ALG12: variants seen among roughly 807,000 people sequenced by gnomAD.
ALG12 encodes dol-P-Man:Man(7)GlcNAc(2)-PP-Dol alpha-1,6-mannosyltransferase.
A neutral mutation model predicts 46.0 loss-of-function variants in ALG12; 36 were observed. The ratio of observed to expected loss-of-function variants is 0.78; its 90% confidence interval spans 0.60 to 1.03. The LOEUF (loss-of-function observed/expected upper bound fraction) is 1.03. ALG12 is among the 50% of genes least tolerant of loss of function. The pLI, the probability that ALG12 is intolerant of heterozygous loss-of-function variation, is 0.00. For synonymous variants in ALG12, 326 were observed against 291.6 expected (o/e 1.12, Z -1.20); for missense variants, 599 against 633.5 (o/e 0.95, Z 0.58).
At chr22:49,874,743 G>A in the ALG12 span, among the ~76,000 whole-genome samples, 9 of 121,230 alleles carry the variant, frequency 7.4e-5, no homozygotes, top group African/African-American at 1.9e-4. Context: ...GCAATGGCTC[G>A]ATCTCAGCTC....
At chr22:49,893,278 G>T in the ALG12 span, among the ~76,000 whole-genome samples, 1 of 152,204 alleles carries the variant, frequency 6.6e-6, no homozygotes, top group South Asian at 2.1e-4. Context: ...GGACTTTCCA[G>T]AACTGTTGGG....
In ALG12 at chr22:49,901,320, C is replaced by T. The variant is rs533201789; in HGVS notation, c.*2518G>A. 1 of 152,376 alleles carries T rather than the reference C, an allele frequency of 6.6e-6. No individual in the cohort carries two copies. Among genetic ancestry groups the T allele is most frequent in the East Asian group, 1.9e-4 (1 of 5,190 alleles). The allele number at this position is 152,376 out of a possible 1,614,324, so 9.4% of individuals were successfully genotyped here. On this transcript the variant is annotated 3_prime_UTR_variant, in exon 10 of 10. Transcript: ENST00000330817. ...GGCCTCTGTGGGAGTCAGGAAGTGT[C>T]TGCACAGATGTTCGCCAGACGCAAT... is the stretch of plus-strand genomic sequence containing the variant.
the ALG12 span, among the ~76,000 whole-genome samples, chr22:49,864,214 G>A: frequency 3.3e-5 from 5 of 152,294 alleles, no homozygotes; most frequent in South Asian, 8.3e-4. Context: ...TTACGTCTCC[G>A]TCCTCTTTTT....
the ALG12 span, among the ~76,000 whole-genome samples, chr22:49,878,752 G>C: frequency 0.016 from 2,367 of 152,116 alleles, 62 homozygotes; most frequent in African/African-American, 0.053. Flanking sequence ...ACTAGTAAAA[G>C]AATTAGAAGA....
chr22:49,885,481 T>C, the ALG12 span: 1 of 1,612,384 alleles, frequency 6.2e-7, no homozygotes, highest in South Asian at 1.1e-5. Flanking sequence ...TTTACAGCGG[T>C]TCCATAGCAA....
the ALG12 span, chr22:49,889,311 G>A: frequency 1.2e-5 from 2 of 167,040 alleles, no homozygotes; most frequent in African/African-American, 4.8e-5. Context: ...ATGGTGTCTT[G>A]GCTACTTTCA....
the ALG12 span, among the ~76,000 whole-genome samples, chr22:49,867,922 G>A: frequency 1.3e-5 from 2 of 152,202 alleles, no homozygotes; most frequent in African/African-American, 4.8e-5. Context: ...CTGACACAAA[G>A]CCTGTTTTGT....
chr22:49,865,503 A>T, the ALG12 span, among the ~76,000 whole-genome samples: 4 of 151,852 alleles, frequency 2.6e-5, no homozygotes, highest in Non-Finnish European at 5.9e-5. Context: ...CAAAAAAAAA[A>T]AAATAATAAC....
chr22:49,870,644 T>C, the ALG12 span, among the ~76,000 whole-genome samples: 2 of 152,196 alleles, frequency 1.3e-5, no homozygotes, highest in African/African-American at 4.8e-5. Flanking sequence ...TATCTGTTCA[T>C]GTCCTTTGCT....
the ALG12 span, among the ~76,000 whole-genome samples, chr22:49,890,678 T>G: frequency 6.6e-6 from 1 of 152,126 alleles, no homozygotes; most frequent in African/African-American, 2.4e-5. Flanking sequence ...CTGGGTGTGT[T>G]TTTGCTAAAG....
chr22:49,874,944 A>T, the ALG12 span, among the ~76,000 whole-genome samples: 12 of 151,982 alleles, frequency 7.9e-5, no homozygotes, highest in Non-Finnish European at 1.6e-4. Context: ...TGGCCTCCCA[A>T]AGTGTTGGGA....
Position 49,907,850 on chromosome 22 carries a change from G to T in ALG12, c.863C>A (p.Thr288Lys). The change falls in exon 7 of 10, where the codon ACG (threonine) becomes AAG (lysine). Residue 288 changes from threonine (T) to lysine (K), a missense_variant. Thr to Lys is a moderately conservative substitution (Grantham distance 78). Transcript: ENST00000330817. ...FIPLGLVDRR[T>K]HAPTVLALGF... is the part of the protein sequence containing the mutation. The stretch of plus-strand genomic sequence containing the variant: ...CAGTGCCAGCACCGTCGGCGCGTGC[G>T]TCCTTCTGTCTACCAAGCCCAGGGG... 1 of 1,613,986 alleles carries T rather than the reference G, an allele frequency of 6.2e-7. No homozygotes were observed. The highest frequency in any genetic ancestry group is 8.5e-7 in the Non-Finnish European group (1 of 1,180,018).
At chr22:49,864,942 C>CG in the ALG12 span, among the ~76,000 whole-genome samples, 9 of 9,548 alleles carry the variant, frequency 9.4e-4, 3 homozygotes, top group African/African-American at 1.8e-3. Context: ...AGCAAGCCCC[C>CG]CCCCCCCCCC....
At chr22:49,884,415 G>A in the ALG12 span, 2 of 1,613,798 alleles carry the variant, frequency 1.2e-6, no homozygotes, top group Non-Finnish European at 1.7e-6. Context: ...AAGAAGCCCT[G>A]GTGGGGTCGT....
chr22:49,870,309 T>A, the ALG12 span, among the ~76,000 whole-genome samples: 1 of 152,214 alleles, frequency 6.6e-6, no homozygotes, highest in African/African-American at 2.4e-5. Flanking sequence ...GGGGTTTTTT[T>A]GTAGAATGAT....
chr22:49,914,012 G>C (rs995179835), intron 1 of ALG12, among the ~76,000 whole-genome samples, 169 bp from the exon 2 acceptor site: 2 of 152,188 alleles, frequency 1.3e-5, no homozygotes, highest in Non-Finnish European at 2.9e-5. Context: ...TCACACTTGA[G>C]AATCTTTCAT....
intron 1 of ALG12, among the ~76,000 whole-genome samples, chr22:49,914,206 G>A (rs1466585520): frequency 2.0e-5 from 3 of 152,232 alleles, no homozygotes; most frequent in Non-Finnish European, 2.9e-5. Context: ...TGGCCCCGAG[G>A]GAACCGGCTG....
chr22:49,859,622 G>A, the ALG12 span, among the ~76,000 whole-genome samples: 2 of 152,216 alleles, frequency 1.3e-5, no homozygotes, highest in African/African-American at 4.8e-5. Flanking sequence ...GTGCTTGTCT[G>A]TTATTGCTTA....
At chr22:49,879,170 A>AG in the ALG12 span, among the ~76,000 whole-genome samples, 1 of 150,000 alleles carries the variant, frequency 6.7e-6, no homozygotes, top group East Asian at 2.0e-4. Flanking sequence ...ACAAAAAAAA[A>AG]CAGGAGTGAA....
Sources: allele counts gnomAD v4.1 joint callset (sites outside exome capture counted in the v4.1 genomes callset), GRCh38; gene constraint gnomAD v4.1.1; transcripts MANE v1.5; gene names NCBI Gene and HGNC (gene_info 2026-07-23, HGNC 2026-07-21).